Variants in RAB39A observed in about 807,000 individuals in gnomAD.
The protein encoded by RAB39A is RAB39A, member RAS oncogene family.
RAB39A carries 17 observed loss-of-function variants against 20.9 expected under a neutral mutation model. That is an observed-to-expected ratio of 0.81 (90% CI 0.56 to 1.22). RAB39A has a LOEUF of 1.22. Ranked by LOEUF, RAB39A falls within the 50% of genes most tolerant of loss-of-function variation. RAB39A has a pLI of 0.00. For synonymous variants in RAB39A, 99 were observed against 103.4 expected, an observed-to-expected ratio of 0.96 and a Z score of 0.26; for missense variants, 234 against 270.5, an observed-to-expected ratio of 0.87 and a Z score of 0.95.
At chr11:107,933,889 C>T (rs1236377850) in intron 1 of RAB39A, among the ~76,000 whole-genome samples, 1 of 151,976 alleles carries the variant, frequency 6.6e-6, no homozygotes, top group African/African-American at 2.4e-5. Context: ...CTCCTGACCT[C>T]AAGTGATCCA....
At chr11:107,932,393 C>CA (rs1861146485) in intron 1 of RAB39A, among the ~76,000 whole-genome samples, 1 of 152,146 alleles carries the variant, frequency 6.6e-6, no homozygotes, top group Non-Finnish European at 1.5e-5. Context: ...GGTTCTGCAC[C>CA]AGACCATCAT....
chr11:107,928,959 C>T lies in RAB39A; in HGVS notation c.227+164C>T, dbSNP rs1861111097. Among the ~76,000 whole-genome samples, 1 of 152,194 alleles carries T rather than the reference C, an allele frequency of 6.6e-6. No homozygotes were observed. On this transcript the variant is annotated intron_variant, in intron 1 of 1. Transcript: ENST00000320578. The surrounding 1 kb of genome is among the most constrained non-coding windows in gnomAD (Gnocchi z 4.9). The stretch of plus-strand genomic sequence containing the variant: ...CGCTTCCCCTTTGCCCCTCCTCTTC[C>T]AGGGACGACTTCCTCCTCCGCAATT...
intron 1 of RAB39A, among the ~76,000 whole-genome samples, chr11:107,949,178 G>T (rs536642707): frequency 2.0e-5 from 3 of 152,164 alleles, no homozygotes; most frequent in Admixed American, 1.3e-4. Context: ...TGGGTGTGGG[G>T]CACGTGCCTG....
In RAB39A at chr11:107,962,234, G is replaced by T. The variant is rs759971573; in HGVS notation, c.516G>T (p.Thr172=). Residue 172 remains threonine, a synonymous_variant, in exon 2 of 2, where the codon ACG becomes ACT. Coordinates refer to ENST00000320578, the MANE Select transcript of RAB39A (RefSeq NM_017516.3). ...TNVEESFTIL[T]RDIYELIKKG... ...TTGAAGAATCCTTCACAATCTTGAC[G>T]AGAGACATATATGAACTTATTAAAA... The T allele has an allele frequency of 1.2e-5, 19 of 1,613,934 alleles. No individual in the cohort carries two copies. Among genetic ancestry groups the T allele is most frequent in the Non-Finnish European group, 1.6e-5 (19 of 1,179,948 alleles).
intron 1 of RAB39A, among the ~76,000 whole-genome samples, chr11:107,955,448 G>A (rs1285839084): frequency 6.6e-6 from 1 of 152,142 alleles, no homozygotes; most frequent in East Asian, 1.9e-4. Context: ...ACTGTAGCTT[G>A]GACCAGCCGA....
At chr11:107,958,907 G>A (rs916768624) in intron 1 of RAB39A, among the ~76,000 whole-genome samples, 3 of 152,046 alleles carry the variant, frequency 2.0e-5, no homozygotes, top group African/African-American at 7.2e-5. Context: ...ATCACCTGAG[G>A]TCAGGAGCTC....
At chr11:107,929,216 C>A (rs1318231231) in intron 1 of RAB39A, among the ~76,000 whole-genome samples, 1 of 152,188 alleles carries the variant, frequency 6.6e-6, no homozygotes, top group Admixed American at 6.5e-5. Flanking sequence ...CCTACCCTAA[C>A]CCAGCGGCTC....
At chr11:107,961,879 G>T in intron 1 of RAB39A, 67 bp from the exon 2 acceptor site, 1 of 1,225,874 alleles carries the variant, frequency 8.2e-7, no homozygotes, top group Non-Finnish European at 1.1e-6. Flanking sequence ...TATGGTGCTA[G>T]ATTGTTGGAA....
At chr11:107,948,423 T>A (rs1470037112) in intron 1 of RAB39A, among the ~76,000 whole-genome samples, 2 of 152,144 alleles carry the variant, frequency 1.3e-5, no homozygotes, top group Non-Finnish European at 2.9e-5. Context: ...TGTGAATAGT[T>A]CTGGCCAGGG....
chr11:107,944,288 T>A (rs188368818), intron 1 of RAB39A, among the ~76,000 whole-genome samples: 1 of 151,966 alleles, frequency 6.6e-6, no homozygotes, highest in Non-Finnish European at 1.5e-5. Context: ...CCTTCTTATA[T>A]CCCATTGATC....
Position 107,962,458 on chromosome 11 carries a change from A to G in RAB39A, c.*86A>G. The G allele has an allele frequency of 1.6e-6, 2 of 1,264,394 alleles. No individual in the cohort carries two copies. Among genetic ancestry groups the G allele is most frequent in the South Asian group, 3.4e-5 (2 of 59,636 alleles). 78.3% of individuals were successfully genotyped at this position (1,264,394 alleles called of 1,614,324 possible). A position where few individuals can be genotyped will look rare whatever the true frequency, so the allele number is the denominator to read the frequency against. ...ACATTAACAGCAGAATGATGCAATGAAAGAATTTAAAAAGGTTACAAACCC... is the reference window on the plus strand; with the variant it reads ...ACATTAACAGCAGAATGATGCAATGGAAGAATTTAAAAAGGTTACAAACCC... On this transcript the variant is annotated 3_prime_UTR_variant, in exon 2 of 2. Coordinates refer to ENST00000320578, the MANE Select transcript of RAB39A (RefSeq NM_017516.3).
In RAB39A at chr11:107,954,495, G is replaced by A. The variant is rs188568683; in HGVS notation, c.228-7451G>A. 1.1e-3 allele frequency among the ~76,000 whole-genome samples: 172 copies of A among 152,226 alleles called. 2 individuals carry two copies. The highest frequency in any genetic ancestry group is 2.5e-4 in the Non-Finnish European group (17 of 68,008). ...ACCCTTCGCGTCTGCTCATGACTTG[G>A]TGTGGATCTTTACCTACGTCTCTCC... On this transcript the variant is annotated intron_variant, in intron 1 of 1. Coordinates refer to ENST00000320578, the MANE Select transcript of RAB39A (RefSeq NM_017516.3).
At position 107,930,857 on chromosome 11, in the gene RAB39A, AAAAT is replaced by A. The variant is rs145687172; in HGVS notation, c.227+2081_227+2084del. ...GGTGACAGAGCCAGACTCAGTCTCA[AAAAT>A]AAATAAATAAATAAATAAGTAGCTC... On this transcript the variant is annotated intron_variant, in intron 1 of 1. Coordinates refer to ENST00000320578, the MANE Select transcript of RAB39A (RefSeq NM_017516.3). 9.3e-4 allele frequency among the ~76,000 whole-genome samples: 140 copies of A among 151,212 alleles called. 1 individual carries two copies. Among genetic ancestry groups the A allele is most frequent in the Non-Finnish European group, 1.4e-3 (93 of 67,728 alleles).
At chr11:107,932,286 A>C (rs1861145757) in intron 1 of RAB39A, among the ~76,000 whole-genome samples, 2 of 152,222 alleles carry the variant, frequency 1.3e-5, no homozygotes, top group Admixed American at 1.3e-4. Context: ...ACATAACTGT[A>C]GATTTGTATA....
intron 1 of RAB39A, among the ~76,000 whole-genome samples, chr11:107,959,147 CAT>C (rs1861469679): frequency 6.6e-6 from 1 of 151,512 alleles, no homozygotes; most frequent in Non-Finnish European, 1.5e-5. Flanking sequence ...GAAAAGAAAA[CAT>C]AGTATTTCCT....
chr11:107,947,154 T>G (rs1346954508), intron 1 of RAB39A, among the ~76,000 whole-genome samples: 1 of 151,770 alleles, frequency 6.6e-6, no homozygotes, highest in Non-Finnish European at 1.5e-5. Flanking sequence ...CAGGCTGGAG[T>G]GCAGTGGCGT....
At chr11:107,946,325 T>TATATAC (rs1178873799) in intron 1 of RAB39A, among the ~76,000 whole-genome samples, 2 of 87,270 alleles carry the variant, frequency 2.3e-5, no homozygotes, top group African/African-American at 7.4e-5. Flanking sequence ...TATATATATA[T>TATATAC]ACACACACAC....
intron 1 of RAB39A, among the ~76,000 whole-genome samples, chr11:107,941,543 C>T (rs1385084653): frequency 2.0e-5 from 3 of 152,224 alleles, no homozygotes; most frequent in Admixed American, 6.6e-5. Context: ...TTTGTCCCCT[C>T]ATTCAAAATT....
At chr11:107,947,807 C>CAAAAAAAAAAAAAAAAAAAAAAAAGAA (rs35694249) in intron 1 of RAB39A, among the ~76,000 whole-genome samples, 1 of 80,218 alleles carries the variant, frequency 1.2e-5, no homozygotes, top group Non-Finnish European at 2.2e-5. Context: ...CATCAACAGG[C>CAAAAAAAAAAAAAAAAAAAAAAAAGAA]AAAAAAAAAA....
Sources: allele counts gnomAD v4.1 joint callset (sites outside exome capture counted in the v4.1 genomes callset), GRCh38; gene constraint gnomAD v4.1.1; non-coding constraint Gnocchi (gnomAD v3.1); transcripts MANE v1.5; gene names NCBI Gene and HGNC (gene_info 2026-07-23, HGNC 2026-07-21).